KANK1: variants seen among roughly 807,000 people sequenced by gnomAD.
The protein encoded by KANK1 is KN motif and ankyrin repeat domains 1, also known as KN motif and ankyrin repeat domain-containing protein 1.
A neutral mutation model predicts 106.2 loss-of-function variants in KANK1; 109 were observed. That is an observed-to-expected ratio of 1.03 (90% confidence interval 0.88 to 1.20). The LOEUF is 1.20. Among genes scored for constraint, KANK1 ranks in the 50% most tolerant of loss-of-function variants. The pLI is 0.00. For synonymous variants in KANK1, 873 were observed against 652.2 expected, an observed-to-expected ratio of 1.34 and a Z score of -5.16; for missense variants, 2,399 against 1,710.7, an observed-to-expected ratio of 1.40 and a Z score of -7.10.
intron 3 of KANK1, among the ~76,000 whole-genome samples, chr9:728,423 C>G (rs1589241188): frequency 6.6e-6 from 1 of 152,156 alleles, no homozygotes; most frequent in Non-Finnish European, 1.5e-5. Flanking sequence ...GTCTCGGACT[C>G]TTGACCTCAG....
intron 1 of KANK1, among the ~76,000 whole-genome samples, chr9:609,970 A>G (rs999979040): frequency 6.6e-6 from 1 of 152,148 alleles, no homozygotes; most frequent in Non-Finnish European, 1.5e-5. Context: ...TGCTTGTTTT[A>G]CTTGAGGTGT....
Position 592,093 on chromosome 9 carries a change from C to G in KANK1, c.-83-84797C>G, listed in dbSNP as rs372255225. Among the ~76,000 whole-genome samples the G allele has an allele frequency of 6.8e-4, 103 of 151,852 alleles. 3 individuals are homozygous for G. The highest frequency in any genetic ancestry group is 2.4e-3 in the African/African-American group (97 of 41,164). On this transcript the variant is annotated intron_variant, in intron 1 of 11. Coordinates refer to ENST00000382297, the MANE Select transcript of KANK1 (RefSeq NM_015158.5). ...TTAACATGTGGTATTTGTAGGAGATCGGTCAGGGTGGTGGAAGAAATTGTA... is the reference window on the plus strand; with the variant it reads ...TTAACATGTGGTATTTGTAGGAGATGGGTCAGGGTGGTGGAAGAAATTGTA...
At chr9:744,456 C>A in intron 10 of KANK1, 35 bp from the exon 11 acceptor site, 1 of 1,593,458 alleles carries the variant, frequency 6.3e-7, no homozygotes, top group Non-Finnish European at 8.6e-7. Context: ...GTTTGAGAAA[C>A]CCAACATGGC....
chr9:674,385 TA>T (rs113738657), intron 1 of KANK1: 86 of 140,852 alleles, frequency 6.1e-4, no homozygotes, highest in Non-Finnish European at 7.2e-4. Context: ...GCAATCTGTT[TA>T]AAAAAAAAAA....
chr9:682,522 A>T (rs1251487058), intron 2 of KANK1, among the ~76,000 whole-genome samples: 1 of 152,128 alleles, frequency 6.6e-6, no homozygotes, highest in Non-Finnish European at 1.5e-5. Flanking sequence ...TCAAATTATT[A>T]TTTTCAATGA....
At chr9:722,246 T>C (rs1829520453) in intron 3 of KANK1, among the ~76,000 whole-genome samples, 1 of 152,242 alleles carries the variant, frequency 6.6e-6, no homozygotes, top group Non-Finnish European at 1.5e-5. Flanking sequence ...GGACGGGCCC[T>C]GAATTCTATT....
At chr9:520,336 C>T (rs558424829) in intron 1 of KANK1, among the ~76,000 whole-genome samples, 2 of 151,450 alleles carry the variant, frequency 1.3e-5, no homozygotes, top group East Asian at 1.9e-4. Context: ...GAGACCCTGT[C>T]TCAAAAAAAT....
At chr9:560,464 G>T (rs1816096925) in intron 1 of KANK1, among the ~76,000 whole-genome samples, 1 of 152,182 alleles carries the variant, frequency 6.6e-6, no homozygotes, top group Admixed American at 6.5e-5. Context: ...GGTTTAGAGG[G>T]TTGAGGGTAC....
At chr9:485,616 T>C (rs2058278182) in intron 3 of KANK1, among the ~76,000 whole-genome samples, 1 of 152,172 alleles carries the variant, frequency 6.6e-6, no homozygotes, top group South Asian at 2.1e-4. Context: ...TTCACGCCTG[T>C]AATCCCAACA....
chr9:715,691 A>G (rs1827498271), intron 3 of KANK1, among the ~76,000 whole-genome samples: 1 of 152,218 alleles, frequency 6.6e-6, no homozygotes, highest in African/African-American at 2.4e-5. Context: ...TTTTAACAGC[A>G]CTTATTTAGT....
chr9:679,898 A>T (rs1817184354), intron 2 of KANK1, among the ~76,000 whole-genome samples: 1 of 152,160 alleles, frequency 6.6e-6, no homozygotes, highest in Non-Finnish European at 1.5e-5. Context: ...TTTGTATTAC[A>T]AAGGAAACAC....
At chr9:620,479 G>A (rs927684035) in intron 1 of KANK1, among the ~76,000 whole-genome samples, 4 of 151,742 alleles carry the variant, frequency 2.6e-5, no homozygotes, top group African/African-American at 4.8e-5. Context: ...TTCGGCTCAC[G>A]GCAACCTACA....
intron 1 of KANK1, among the ~76,000 whole-genome samples, chr9:652,976 T>A (rs995944630): frequency 9.2e-5 from 14 of 152,174 alleles, no homozygotes; most frequent in Admixed American, 9.2e-4. Flanking sequence ...CGGTGGGAAT[T>A]CTCTGAATAG....
At chr9:511,905 G>T (rs1231648319) in intron 1 of KANK1, among the ~76,000 whole-genome samples, 1 of 152,138 alleles carries the variant, frequency 6.6e-6, no homozygotes. Context: ...GTGGGTCAGG[G>T]ATTCAGGCAG....
At chr9:520,384 A>G (rs2059490827) in intron 1 of KANK1, among the ~76,000 whole-genome samples, 7 of 151,520 alleles carry the variant, frequency 4.6e-5, no homozygotes, top group Admixed American at 4.6e-4. Context: ...GTTCATTCAT[A>G]GTTATTAACA....
At chr9:675,121 A>G (rs1816128929) in intron 1 of KANK1, among the ~76,000 whole-genome samples, 1 of 152,208 alleles carries the variant, frequency 6.6e-6, no homozygotes. Flanking sequence ...ATTACTTCTC[A>G]TCGTTTAAAT....
At chr9:598,899 TAGA>T (rs763901370) in intron 1 of KANK1, among the ~76,000 whole-genome samples, 197 of 150,968 alleles carry the variant, frequency 1.3e-3, no homozygotes, top group Non-Finnish European at 2.2e-3. Context: ...CCCAAAGTGC[TAGA>T]ATTACGGGCA....
intron 1 of KANK1, among the ~76,000 whole-genome samples, chr9:510,074 A>C (rs1017380541): frequency 2.6e-5 from 4 of 151,984 alleles, no homozygotes; most frequent in South Asian, 2.1e-4. Context: ...GCCCTCCTAA[A>C]AGTGCTGGGA....
intron 1 of KANK1, among the ~76,000 whole-genome samples, chr9:630,879 C>T (rs990476062): frequency 3.9e-5 from 6 of 151,940 alleles, no homozygotes; most frequent in South Asian, 2.1e-4. Flanking sequence ...CACTTGAACC[C>T]GGGATGTAGA....
Sources: gnomAD v4.1 joint callset for allele counts (sites outside exome capture counted in the v4.1 genomes callset) on GRCh38, gnomAD v4.1.1 for gene constraint, MANE v1.5 for transcripts, NCBI Gene and HGNC (gene_info 2026-07-23, HGNC 2026-07-21) for gene names.